Variants in SRSF1 observed in about 807,000 individuals in gnomAD.
SRSF1 encodes serine/arginine-rich splicing factor 1.
Under a neutral mutation model 25.9 loss-of-function variants are expected in SRSF1, and 1 was observed. The ratio of observed to expected loss-of-function variants is 0.04; its 90% CI spans 0.01 to 0.18. The LOEUF (loss-of-function observed/expected upper bound fraction) is 0.18. Among genes scored for constraint, SRSF1 ranks in the 10% least tolerant of loss-of-function variants. The pLI is 1.00. For synonymous variants in SRSF1, 132 were observed against 126.2 expected, an observed-to-expected ratio of 1.05 and a Z score of -0.31; for missense variants, 65 against 350.5, an observed-to-expected ratio of 0.19 and a Z score of 6.50.
At position 58,007,242 on chromosome 17, in the gene SRSF1, A is replaced by C; in HGVS notation, c.-105T>G. On this transcript the variant is annotated 5_prime_UTR_variant, in exon 1 of 4. Coordinates refer to ENST00000258962, the MANE Select transcript of SRSF1 (RefSeq NM_006924.5). ...CCACGTCTCCCGCGGCCCCTCCAAAATGGCGCCTTTATCAGCTCGGCGCAC... is the reference window on the plus strand; with the variant it reads ...CCACGTCTCCCGCGGCCCCTCCAAACTGGCGCCTTTATCAGCTCGGCGCAC... The C allele has an allele frequency of 2.3e-6, 3 of 1,327,656 alleles. No homozygotes were observed. The highest frequency in any genetic ancestry group is 3.1e-6 in the Non-Finnish European group (3 of 957,402). The allele number at this position is 1,327,656 out of a possible 1,614,324, so 82.2% of individuals were successfully genotyped here.
In SRSF1 at chr17:58,005,412, A is replaced by G. The variant is rs1309625667; in HGVS notation, c.741T>C (p.Arg247=). The change falls in exon 4 of 4, where the codon CGT becomes CGC. Residue 247 remains arginine (R), a synonymous_variant. Transcript: ENST00000258962. The surrounding 1 kb of genome is among the most constrained non-coding windows in gnomAD (Gnocchi z 5.2). Reference sequence around the variant, plus strand: ...AAAAGTGTCACCAATCATCTTATGTACGAGAGCGAGATCTGCTATGACGGG... The same window carrying G: ...AAAAGTGTCACCAATCATCTTATGTGCGAGAGCGAGATCTGCTATGACGGG... ...YSPRHSRSRS[R]T 2.5e-6 allele frequency: 4 copies of G among 1,613,968 alleles called. No individual in the cohort carries two copies. The highest frequency in any genetic ancestry group is 2.2e-5 in the East Asian group (1 of 44,886).
the SRSF1 span, chr17:57,993,339 G>A: frequency 2.0e-5 from 3 of 150,276 alleles, no homozygotes; most frequent in South Asian, 2.1e-4. Context: ...GCAGTGAGCC[G>A]AGATTGCGCC....
downstream of SRSF1, among the ~76,000 whole-genome samples, chr17:57,996,494 A>AAAAAAG (rs1555574747): frequency 6.6e-6 from 1 of 150,822 alleles, no homozygotes; most frequent in Non-Finnish European, 1.5e-5. Context: ...AAAAAAAAAA[A>AAAAAAG]AAAAAAAAAC....
At position 58,001,616 on chromosome 17, in the gene SRSF1, A is replaced by C. The variant is rs2075390939; in HGVS notation, c.*3790T>G. 6.6e-6 allele frequency among the ~76,000 whole-genome samples: 1 copy of C among 152,198 alleles called. No individual in the cohort carries two copies. Among genetic ancestry groups the C allele is most frequent in the Non-Finnish European group, 1.5e-5 (1 of 68,016 alleles). On this transcript the variant is annotated 3_prime_UTR_variant, in exon 4 of 4. Transcript: ENST00000258962. ...TTAGAAAATAATTATAGGCTCCCTA[A>C]AATATTCTAAGGGGACATAAATAGG...
At chr17:57,989,241 C>T in the SRSF1 span, 1 of 398,588 alleles carries the variant, frequency 2.5e-6, no homozygotes, top group Non-Finnish European at 4.4e-6. Flanking sequence ...CTGAACATTT[C>T]TATCCTTTCC....
the SRSF1 span, chr17:57,994,859 T>C: frequency 1.3e-5 from 2 of 152,226 alleles, no homozygotes. Context: ...AGTATTTCAG[T>C]AAAATAATTA....
downstream of SRSF1, among the ~76,000 whole-genome samples, chr17:57,996,153 T>C (rs2143439029): frequency 6.6e-6 from 1 of 152,298 alleles, no homozygotes; most frequent in South Asian, 2.1e-4. Context: ...ACTAGCATTC[T>C]GGACATCTTA....
downstream of SRSF1, among the ~76,000 whole-genome samples, chr17:57,999,879 T>C (rs779300085): frequency 2.0e-5 from 3 of 152,164 alleles, no homozygotes; most frequent in Non-Finnish European, 4.4e-5. Flanking sequence ...GTTCTACCAA[T>C]AGTTGGCACT....
chr17:58,004,519 C>T lies in SRSF1; in HGVS notation c.*887G>A, dbSNP rs549452282. The T allele has an allele frequency of 1.9e-5, 3 of 154,642 alleles. No individual in the cohort carries two copies. The highest frequency in any genetic ancestry group is 2.1e-4 in the South Asian group (1 of 4,848). 9.6% of individuals were successfully genotyped at this position (154,642 alleles called of 1,614,324 possible). A position where few individuals can be genotyped will look rare whatever the true frequency, so the allele number is the denominator to read the frequency against. ...TTGTCTTAAAAAAATGAAATAGCAA[C>T]GCTCTATCAGTCACACAGAGGACAT... On this transcript the variant is annotated 3_prime_UTR_variant, in exon 4 of 4. Coordinates refer to ENST00000258962, the MANE Select transcript of SRSF1 (RefSeq NM_006924.5).
chr17:58,001,013 CTGTTTTCTG>C lies in SRSF1; in HGVS notation c.*4384_*4392del. Among the ~76,000 whole-genome samples the C allele has an allele frequency of 6.6e-6, 1 of 152,140 alleles. No individual in the cohort carries two copies. The highest frequency in any genetic ancestry group is 2.1e-4 in the South Asian group (1 of 4,834). On this transcript the variant is annotated 3_prime_UTR_variant, in exon 4 of 4. Transcript: ENST00000258962. ...CAAAAAATGGATAAGAGACTGTAAT[CTGTTTTCTG>C]CGTTTGCAGTCTTCATACTGTGATG...
the SRSF1 span, chr17:57,992,818 C>T: frequency 1.3e-5 from 2 of 152,226 alleles, no homozygotes; most frequent in Non-Finnish European, 2.9e-5. Flanking sequence ...TGATCTTCAA[C>T]TGAGGGTCCC....
Position 58,005,290 on chromosome 17 carries a change from T to C in SRSF1, c.*116A>G. On this transcript the variant is annotated 3_prime_UTR_variant, in exon 4 of 4. Coordinates refer to ENST00000258962, the MANE Select transcript of SRSF1 (RefSeq NM_006924.5). The surrounding 1 kb of genome is among the most constrained non-coding windows in gnomAD (Gnocchi z 5.2). ...GCAAGGGGATATTACAAGAATGCAA[T>C]TCAACACTTTAGCCCATTCTGAACA... The C allele has an allele frequency of 8.9e-7, 1 of 1,122,564 alleles. No homozygotes were observed. Among genetic ancestry groups the C allele is most frequent in the South Asian group, 1.5e-5 (1 of 66,458 alleles). The allele number at this position is 1,122,564 out of a possible 1,614,324, so 69.5% of individuals were successfully genotyped here.
At chr17:57,998,189 G>A (rs2075372239), downstream of SRSF1, among the ~76,000 whole-genome samples, 1 of 152,130 alleles carries the variant, frequency 6.6e-6, no homozygotes, top group South Asian at 2.1e-4. Flanking sequence ...CAGCCTGGGT[G>A]ACAGAGTGAG....
rs1373239666 is a variant in SRSF1 at position 58,005,664 on chromosome 17, A to G, written c.553-64T>C. On this transcript the variant is annotated intron_variant, in intron 3 of 3. Transcript: ENST00000258962. This position sits in a 1 kb window ranked among gnomAD's most constrained non-coding sequence, Gnocchi z 5.2. ...CTTTCATCTATCTTCAGACATGCTG[A>G]ATGAATACAATGTAACTAAAACCAG... The G allele has an allele frequency of 6.2e-7, 1 of 1,608,876 alleles. No individual in the cohort carries two copies. Among genetic ancestry groups the G allele is most frequent in the African/African-American group, 1.3e-5 (1 of 74,658 alleles).
downstream of SRSF1, among the ~76,000 whole-genome samples, chr17:57,998,141 C>T (rs879918121): frequency 2.0e-5 from 3 of 152,026 alleles, no homozygotes; most frequent in Non-Finnish European, 2.9e-5. Context: ...ACCCGGGAGG[C>T]GGAGGTTGCA....
At chr17:57,995,207 C>T in the SRSF1 span, among the ~76,000 whole-genome samples, 1 of 152,166 alleles carries the variant, frequency 6.6e-6, no homozygotes, top group African/African-American at 2.4e-5. Flanking sequence ...ACTTAAAATT[C>T]CTAGAGTGGT....
downstream of SRSF1, among the ~76,000 whole-genome samples, chr17:57,996,010 C>T (rs1347245575): frequency 6.6e-6 from 1 of 152,200 alleles, no homozygotes; most frequent in Non-Finnish European, 1.5e-5. Context: ...AGGGTATAAA[C>T]CTTTGAGGTT....
chr17:57,991,667 A>C, the SRSF1 span: 1 of 150,694 alleles, frequency 6.6e-6, no homozygotes, highest in African/African-American at 2.5e-5. Context: ...AAATACTCCA[A>C]ACTCCTCAGG....
At position 58,006,702 on chromosome 17, in the gene SRSF1, AC is replaced by A. The variant is rs1399977954; in HGVS notation, c.195-176del. On this transcript the variant is annotated intron_variant, in intron 1 of 3. Coordinates refer to ENST00000258962, the MANE Select transcript of SRSF1 (RefSeq NM_006924.5). ...AACACGCCAGGCTCCCAACCACTAC[AC>A]CAGCCCTCAGCGCCTCAGTTTCCCG... 89 of 891,750 alleles carry A rather than the reference AC, an allele frequency of 1.0e-4. 2 individuals are homozygous for A. The South Asian group carries it at 1.6e-3, about 16-fold the overall frequency. The allele number at this position is 891,750 out of a possible 1,614,324, so 55.2% of individuals were successfully genotyped here.
Sources: allele counts gnomAD v4.1 joint callset (sites outside exome capture counted in the v4.1 genomes callset), GRCh38; gene constraint gnomAD v4.1.1; non-coding constraint Gnocchi (gnomAD v3.1); transcripts MANE v1.5; gene names NCBI Gene and HGNC (gene_info 2026-07-23, HGNC 2026-07-21).